Variants in PRMT3 observed in about 807,000 individuals in gnomAD.
PRMT3 encodes the protein protein arginine N-methyltransferase 3.
PRMT3 carries 62 observed loss-of-function variants against 71.9 expected under a neutral mutation model. That is an observed-to-expected ratio of 0.86 (90% CI 0.70 to 1.07). The LOEUF (loss-of-function observed/expected upper bound fraction) is 1.07. Among genes scored for constraint, PRMT3 ranks in the 50% least tolerant of loss-of-function variants. The probability of loss-of-function intolerance (pLI) is 0.00; values close to 1 mark genes in which losing one functional copy is unlikely to be tolerated. For missense variants in PRMT3, 663 were observed against 643.0 expected (o/e 1.03, Z -0.34); for synonymous variants, 213 against 220.4 (o/e 0.97, Z 0.30).
At chr11:20,438,362 G>A (rs994219759) in intron 10 of PRMT3, among the ~76,000 whole-genome samples, 2 of 152,012 alleles carry the variant, frequency 1.3e-5, no homozygotes, top group Non-Finnish European at 2.9e-5. Context: ...GAGGCTGGGT[G>A]CAGCAGCAGC....
chr11:20,396,968 A>C (rs1245639798), intron 6 of PRMT3, among the ~76,000 whole-genome samples: 1 of 152,174 alleles, frequency 6.6e-6, no homozygotes, highest in South Asian at 2.1e-4. Context: ...AGTAGAGCCA[A>C]TTGTAGTTCC....
At chr11:20,388,576 A>G (rs910839338) in intron 2 of PRMT3, among the ~76,000 whole-genome samples, 7 of 152,222 alleles carry the variant, frequency 4.6e-5, no homozygotes, top group African/African-American at 1.4e-4. Flanking sequence ...GCCACCCTGA[A>G]CTAGATAATC....
At chr11:20,393,818 C>T (rs1848768516) in intron 5 of PRMT3, 1 of 152,008 alleles carries the variant, frequency 6.6e-6, no homozygotes, top group Admixed American at 6.6e-5. Context: ...ACTGGCCAAA[C>T]AGTTTGAAGA....
chr11:20,471,384 A>T (rs988505048), intron 13 of PRMT3, among the ~76,000 whole-genome samples: 1 of 152,046 alleles, frequency 6.6e-6, no homozygotes, highest in African/African-American at 2.4e-5. Context: ...TTTTGAGTTA[A>T]TTTTTGTGTA....
intron 15 of PRMT3, among the ~76,000 whole-genome samples, chr11:20,502,923 C>T (rs976833483): frequency 6.6e-6 from 1 of 152,048 alleles, no homozygotes; most frequent in African/African-American, 2.4e-5. Flanking sequence ...ATTTGAAATA[C>T]AAATCAGAGC....
chr11:20,430,330 A>G (rs1849629541), intron 10 of PRMT3, among the ~76,000 whole-genome samples: 1 of 152,192 alleles, frequency 6.6e-6, no homozygotes, highest in Admixed American at 6.5e-5. Flanking sequence ...TGTAGAAATC[A>G]TATAGCAGAG....
At chr11:20,433,730 C>T (rs1039121054) in intron 10 of PRMT3, among the ~76,000 whole-genome samples, 10 of 152,242 alleles carry the variant, frequency 6.6e-5, no homozygotes, top group Admixed American at 5.2e-4. Flanking sequence ...AAGCAATTCT[C>T]CAACCTCGGC....
chr11:20,390,237 C>T (rs1018086483), intron 3 of PRMT3, among the ~76,000 whole-genome samples: 1 of 152,008 alleles, frequency 6.6e-6, no homozygotes, highest in African/African-American at 2.4e-5. Context: ...GCGAATCACA[C>T]AGCAACATCT....
At chr11:20,460,670 TTTTA>T (rs150940212) in intron 11 of PRMT3, among the ~76,000 whole-genome samples, 7,091 of 152,284 alleles carry the variant, frequency 0.047, 264 homozygotes, top group East Asian at 0.19. Context: ...TTTCAGACAT[TTTTA>T]TTTGTTTATC....
intron 6 of PRMT3, among the ~76,000 whole-genome samples, chr11:20,396,515 G>A (rs1848829123): frequency 6.6e-6 from 1 of 152,066 alleles, no homozygotes; most frequent in Admixed American, 6.6e-5. Context: ...GTGCACGCCT[G>A]TAATCCCAGC....
At chr11:20,487,295 T>C (rs538872293) in intron 13 of PRMT3, among the ~76,000 whole-genome samples, 9 of 152,282 alleles carry the variant, frequency 5.9e-5, no homozygotes, top group African/African-American at 1.9e-4. Context: ...CCAATGGCCA[T>C]GTTATGTATA....
chr11:20,465,288 G>A (rs1367151812), intron 13 of PRMT3, among the ~76,000 whole-genome samples: 1 of 151,910 alleles, frequency 6.6e-6, no homozygotes, highest in Admixed American at 6.6e-5. Flanking sequence ...ATTTACTGCT[G>A]TCAGGAGACT....
intron 7 of PRMT3, among the ~76,000 whole-genome samples, chr11:20,402,139 A>T (rs529648451): frequency 1.0e-4 from 15 of 150,402 alleles, no homozygotes; most frequent in African/African-American, 3.2e-4. Context: ...GTTTTTTGAG[A>T]CGGAATTTGC....
chr11:20,409,065 C>G (rs1161568395), intron 9 of PRMT3, among the ~76,000 whole-genome samples: 1 of 152,058 alleles, frequency 6.6e-6, no homozygotes, highest in Admixed American at 6.6e-5. Flanking sequence ...CCACCGCACT[C>G]CAGCCTGGGT....
At chr11:20,504,745 A>AGAGAGAGAGAGAGAGAGC (rs1491497481) in intron 15 of PRMT3, among the ~76,000 whole-genome samples, 54 of 141,244 alleles carry the variant, frequency 3.8e-4, no homozygotes, top group African/African-American at 1.3e-3. Context: ...AGAGAGAGAG[A>AGAGAGAGAGAGAGAGAGC]GCGAGAGCGA....
At chr11:20,481,116 T>C (rs1417905116) in intron 13 of PRMT3, among the ~76,000 whole-genome samples, 1 of 152,136 alleles carries the variant, frequency 6.6e-6, no homozygotes, top group African/African-American at 2.4e-5. Context: ...TAAACAATGA[T>C]AAAATTACAT....
At chr11:20,402,778 G>T in intron 7 of PRMT3, 141 bp from the exon 8 acceptor site, 11 of 575,370 alleles carry the variant, frequency 1.9e-5, no homozygotes, top group South Asian at 7.5e-5. Context: ...GTTTTCTTAG[G>T]AAAAAAATAA....
rs146632767 is a variant in PRMT3 at position 20,417,196 on chromosome 11, T to G, written c.893+9164T>G. 1.7e-3 allele frequency among the ~76,000 whole-genome samples: 265 copies of G among 152,320 alleles called. 2 individuals are homozygous for G. The highest frequency in any genetic ancestry group is 6.3e-3 in the African/African-American group (260 of 41,572). On this transcript the variant is annotated intron_variant, in intron 9 of 15. Coordinates refer to ENST00000331079, the MANE Select transcript of PRMT3 (RefSeq NM_005788.4). ...TATGAGATTCTTTGGCTCTTTGATA[T>G]TCCCTTCCAAAATCTCCATGCATTT...
chr11:20,457,178 G>A (rs1233781979), intron 11 of PRMT3, among the ~76,000 whole-genome samples: 1 of 152,094 alleles, frequency 6.6e-6, no homozygotes, highest in Non-Finnish European at 1.5e-5. Flanking sequence ...TTTGCTCAGA[G>A]CAAAATAAGC....
Sources: gnomAD v4.1 joint callset for allele counts (sites outside exome capture counted in the v4.1 genomes callset) on GRCh38, gnomAD v4.1.1 for gene constraint, MANE v1.5 for transcripts, NCBI Gene and HGNC (gene_info 2026-07-23, HGNC 2026-07-21) for gene names.